RYR3: variants seen among roughly 807,000 people sequenced by gnomAD.
The protein encoded by RYR3 is ryanodine receptor 3, also known as brain ryanodine receptor-calcium release channel.
Under a neutral mutation model 584.3 loss-of-function variants are expected in RYR3, and 207 were observed. The observed-to-expected ratio is 0.35, with a 90% CI of 0.32 to 0.40. The LOEUF is 0.40. Among genes scored for constraint, RYR3 ranks in the 10% least tolerant of loss-of-function variants. RYR3 has a pLI of 1.00. For synonymous variants in RYR3, 2,416 were observed against 2,248.5 expected, an observed-to-expected ratio of 1.07 and a Z score of -2.11; for missense variants, 5,616 against 6,089.2, an observed-to-expected ratio of 0.92 and a Z score of 2.59.
At chr15:33,699,959 ACT>A (rs1198257837) in intron 41 of RYR3, 126 bp downstream of exon 41, 6 of 911,334 alleles carry the variant, frequency 6.6e-6, no homozygotes, top group Non-Finnish European at 9.7e-6. Context: ...ACTAGAAGAG[ACT>A]CTGCCTGATT....
At chr15:33,573,557 A>G in intron 12 of RYR3, among the ~76,000 whole-genome samples, 1 of 152,254 alleles carries the variant, frequency 6.6e-6, no homozygotes, top group East Asian at 1.9e-4. Context: ...CTGCTGAGGA[A>G]AAGATACTGT....
chr15:33,603,217 C>T lies in RYR3; in HGVS notation c.2017C>T (p.Leu673=). ...GATTATCGACCAGGTGGACCCCTTC[C>T]TAACAGCAGAGCCCACACATCTGCG... ...ELIIDQVDPF[L]TAEPTHLRVG... The change falls in exon 18 of 104, where the codon CTA becomes TTA. Residue 673 remains leucine (L), a synonymous_variant. Transcript: ENST00000634891. 6.2e-7 allele frequency: 1 copy of T among 1,613,948 alleles called. No homozygotes were observed. The highest frequency in any genetic ancestry group is 1.6e-4 in the Middle Eastern group (1 of 6,062).
intron 60 of RYR3, among the ~76,000 whole-genome samples, chr15:33,757,989 A>C (rs1241101730): frequency 6.6e-6 from 1 of 152,060 alleles, no homozygotes; most frequent in East Asian, 1.9e-4. Context: ...CAGCCCAAGG[A>C]GGGCGAGCCA....
intron 60 of RYR3, among the ~76,000 whole-genome samples, chr15:33,760,831 T>C (rs559480823): frequency 5.6e-4 from 86 of 152,280 alleles, no homozygotes; most frequent in Middle Eastern, 3.4e-3. Context: ...TATTCTAAAA[T>C]TGACCACATA....
intron 1 of RYR3, among the ~76,000 whole-genome samples, chr15:33,314,470 G>A (rs1452175597): frequency 6.6e-6 from 1 of 152,156 alleles, no homozygotes; most frequent in Non-Finnish European, 1.5e-5. Flanking sequence ...AGAGTGCTAG[G>A]AGAAAACTTT....
chr15:33,569,578 C>T (rs934714110), intron 12 of RYR3, among the ~76,000 whole-genome samples: 9 of 152,098 alleles, frequency 5.9e-5, no homozygotes, highest in African/African-American at 2.2e-4. Context: ...ACATTTCATT[C>T]CTTTTTAAGG....
rs1478588950 is a variant in RYR3 at position 33,629,995 on chromosome 15, C to T, written c.2735C>T (p.Pro912Leu). The change falls in exon 22 of 104, where the codon CCA becomes CTA. Residue 912 changes from proline to leucine, a missense_variant. Pro to Leu is a moderately conservative substitution (Grantham distance 98). This residue lies in a region of RYR3 where 1,284 missense variants were observed against 1,344.6 expected (regional missense o/e 0.95). Coordinates refer to ENST00000634891, the MANE Select transcript of RYR3 (RefSeq NM_001036.6). ...TGCCTTGTGGAGTTTTCAAAGCTCC[C>T]AGAAACTGAGAAGAACTATAACCTG... Reference protein sequence around the residue: ...HPCLVEFSKLPETEKNYNLQM... With the variant: ...HPCLVEFSKLLETEKNYNLQM... 2 of 1,607,062 alleles carry T rather than the reference C, an allele frequency of 1.2e-6. No homozygotes were observed. The highest frequency in any genetic ancestry group is 2.2e-5 in the South Asian group (2 of 88,914).
intron 38 of RYR3, among the ~76,000 whole-genome samples, chr15:33,682,628 A>T (rs187446399): frequency 1.3e-5 from 2 of 152,204 alleles, no homozygotes; most frequent in African/African-American, 2.4e-5. Context: ...TCCCTAAGAC[A>T]TTCTGTTCAA....
chr15:33,853,560 C>A lies in RYR3; in HGVS notation c.13677C>A (p.Ile4559=), dbSNP rs1444999121. 1 of 1,613,494 alleles carries A rather than the reference C, an allele frequency of 6.2e-7. No homozygotes were observed. The highest frequency in any genetic ancestry group is 8.5e-7 in the Non-Finnish European group (1 of 1,179,650). ...YWDKFVKRKV[I]NKYGDLYGAE... ...CCTGTCATCCTTTGCTTCAGGTGAT[C>A]AACAAGTATGGAGATCTCTACGGAG... The change falls in exon 96 of 104, where the codon ATC becomes ATA. Residue 4559 remains isoleucine, a synonymous_variant. Transcript: ENST00000634891.
chr15:33,830,852 G>A (rs1220900143), intron 85 of RYR3, 111 bp from the exon 86 acceptor site: 2 of 1,146,668 alleles, frequency 1.7e-6, no homozygotes, highest in African/African-American at 3.1e-5. Context: ...GCTCCTGTCA[G>A]AGCAAAGAGG....
At chr15:33,338,081 A>G (rs907399075) in intron 1 of RYR3, among the ~76,000 whole-genome samples, 11 of 151,704 alleles carry the variant, frequency 7.3e-5, no homozygotes, top group Admixed American at 5.9e-4. Context: ...AGTAGCTGGG[A>G]CTGCAGGCGC....
At chr15:33,554,519 A>G (rs1348177603) in intron 10 of RYR3, among the ~76,000 whole-genome samples, 1 of 151,924 alleles carries the variant, frequency 6.6e-6, no homozygotes, top group African/African-American at 2.4e-5. Context: ...GACGGTCTCG[A>G]TCTCCTGACC....
At chr15:33,684,786 G>A (rs2064874634) in intron 38 of RYR3, among the ~76,000 whole-genome samples, 1 of 152,200 alleles carries the variant, frequency 6.6e-6, no homozygotes, top group African/African-American at 2.4e-5. Context: ...AAGAGGGTGG[G>A]GGCCAATATT....
At chr15:33,779,847 A>C (rs2074272676) in intron 64 of RYR3, among the ~76,000 whole-genome samples, 1 of 144,054 alleles carries the variant, frequency 6.9e-6, no homozygotes, top group Non-Finnish European at 1.6e-5. Flanking sequence ...CTAAAAAAAA[A>C]AATAGAAAAA....
chr15:33,618,063 T>C (rs2152574039), intron 19 of RYR3, among the ~76,000 whole-genome samples: 2 of 152,290 alleles, frequency 1.3e-5, no homozygotes, highest in African/African-American at 4.8e-5. Context: ...AGGAAGCTCT[T>C]ACTAAAAGTT....
chr15:33,335,875 A>T (rs1221906398), intron 1 of RYR3, among the ~76,000 whole-genome samples: 1 of 152,214 alleles, frequency 6.6e-6, no homozygotes. Context: ...CTAGAAGAAG[A>T]GAAAGGTTGG....
intron 39 of RYR3, among the ~76,000 whole-genome samples, chr15:33,697,021 T>C (rs2065902736): frequency 6.6e-6 from 1 of 152,116 alleles, no homozygotes; most frequent in African/African-American, 2.4e-5. Context: ...TTTCCTATAA[T>C]CACGTAGGGT....
chr15:33,794,711 T>G (rs2075486156), intron 67 of RYR3, among the ~76,000 whole-genome samples: 1 of 152,108 alleles, frequency 6.6e-6, no homozygotes, highest in Non-Finnish European at 1.5e-5. Flanking sequence ...TCCCAGAGCA[T>G]TACGGTCATA....
intron 43 of RYR3, among the ~76,000 whole-genome samples, chr15:33,720,187 G>T (rs1028531909): frequency 6.6e-6 from 1 of 152,144 alleles, no homozygotes; most frequent in East Asian, 1.9e-4. Flanking sequence ...CTTGGATTTT[G>T]CCCACAGTGC....
Sources: gnomAD v4.1 joint callset for allele counts (sites outside exome capture counted in the v4.1 genomes callset) on GRCh38, gnomAD v4.1.1 for gene constraint, gnomAD v4.1.1 regional missense constraint, MANE v1.5 for transcripts, NCBI Gene and HGNC (gene_info 2026-07-23, HGNC 2026-07-21) for gene names.